LGSN: variants seen among roughly 807,000 people sequenced by gnomAD.
The protein encoded by LGSN is lengsin, lens protein with glutamine synthetase domain.
A neutral mutation model predicts 19.5 loss-of-function variants in LGSN; 21 were observed. The observed-to-expected ratio is 1.07, with a 90% confidence interval of 0.76 to 1.55. LGSN has a LOEUF of 1.55. Ranked by LOEUF, LGSN falls within the 40% of genes most tolerant of loss-of-function variation. LGSN has a pLI of 0.00. For synonymous variants in LGSN, 257 were observed against 215.6 expected, an observed-to-expected ratio of 1.19 and a Z score of -1.68; for missense variants, 673 against 608.5, an observed-to-expected ratio of 1.11 and a Z score of -1.12.
the LGSN span, among the ~76,000 whole-genome samples, chr6:63,477,038 C>T: frequency 5.9e-5 from 9 of 152,182 alleles, no homozygotes; most frequent in Admixed American, 5.2e-4. Flanking sequence ...AATAAGTTCT[C>T]TTTTTAAATT....
At chr6:63,333,878 T>A in the LGSN span, among the ~76,000 whole-genome samples, 1 of 152,188 alleles carries the variant, frequency 6.6e-6, no homozygotes, top group Non-Finnish European at 1.5e-5. Context: ...AAAAACCATA[T>A]GATCATTTAA....
the LGSN span, among the ~76,000 whole-genome samples, chr6:63,500,398 T>A: frequency 6.6e-6 from 1 of 152,196 alleles, no homozygotes; most frequent in African/African-American, 2.4e-5. Context: ...CTGAGTGACC[T>A]CTGACAGGTT....
chr6:63,384,888 T>C, the LGSN span, among the ~76,000 whole-genome samples: 1 of 152,190 alleles, frequency 6.6e-6, no homozygotes, highest in Non-Finnish European at 1.5e-5. Flanking sequence ...CCAATCTGAC[T>C]GATGTCATTT....
intron 1 of LGSN, among the ~76,000 whole-genome samples, chr6:63,304,246 C>T (rs1406300229): frequency 6.6e-6 from 1 of 152,176 alleles, no homozygotes; most frequent in Admixed American, 6.5e-5. Context: ...TTAAATAAAA[C>T]ATTGCCAAGA....
the LGSN span, among the ~76,000 whole-genome samples, chr6:63,451,882 CTA>C: frequency 6.6e-6 from 1 of 151,992 alleles, no homozygotes; most frequent in Non-Finnish European, 1.5e-5. Context: ...AATTTTTAAA[CTA>C]AATTTAAATT....
the LGSN span, among the ~76,000 whole-genome samples, chr6:63,397,789 G>T: frequency 6.6e-6 from 1 of 151,738 alleles, no homozygotes; most frequent in African/African-American, 2.4e-5. Context: ...GTGGTGGCAC[G>T]CCTGTAATTA....
At chr6:63,307,520 T>C (rs1464711276) in intron 1 of LGSN, among the ~76,000 whole-genome samples, 1 of 152,200 alleles carries the variant, frequency 6.6e-6, no homozygotes, top group Non-Finnish European at 1.5e-5. Context: ...CCCAGGGAAA[T>C]ACTAGGACAG....
chr6:63,416,492 A>C, the LGSN span, among the ~76,000 whole-genome samples: 14,386 of 152,264 alleles, frequency 0.094, 1,224 homozygotes, highest in African/African-American at 0.23. Context: ...AATATGGGTT[A>C]AAATAAACTG....
chr6:63,413,193 G>A, the LGSN span, among the ~76,000 whole-genome samples: 61 of 152,116 alleles, frequency 4.0e-4, no homozygotes, highest in South Asian at 8.3e-4. Flanking sequence ...TTATCATGGA[G>A]ATCTGTATAA....
chr6:63,342,879 C>T, the LGSN span, among the ~76,000 whole-genome samples: 1 of 152,194 alleles, frequency 6.6e-6, no homozygotes. Flanking sequence ...ATGTTTCCTG[C>T]AGTGATGTCA....
the LGSN span, among the ~76,000 whole-genome samples, chr6:63,464,941 G>T: frequency 6.7e-6 from 1 of 149,658 alleles, no homozygotes; most frequent in Non-Finnish European, 1.5e-5. Context: ...CAGGAGAATC[G>T]CTTGAACCTG....
At chr6:63,502,524 TTAATA>T in the LGSN span, among the ~76,000 whole-genome samples, 1 of 152,092 alleles carries the variant, frequency 6.6e-6, no homozygotes, top group African/African-American at 2.4e-5. Flanking sequence ...AAAAAGAAAG[TTAATA>T]TAATATATTA....
At chr6:63,549,128 G>A in the LGSN span, 1 of 686,524 alleles carries the variant, frequency 1.5e-6, no homozygotes, top group Admixed American at 2.2e-5. Flanking sequence ...TAGTGGGGAT[G>A]CCCCCTTTGC....
At chr6:63,557,133 G>A in the LGSN span, among the ~76,000 whole-genome samples, 1 of 152,252 alleles carries the variant, frequency 6.6e-6, no homozygotes, top group Non-Finnish European at 1.5e-5. Flanking sequence ...TTCAAAGGGT[G>A]TGAGAGAGAT....
chr6:63,280,521 A>T lies in LGSN; in HGVS notation c.1030T>A (p.Trp344Arg). ...GAGTGCTTCAAGAGTCCTGCCAACC[A>T]TTTTTTCCCAGTGATCGTGAGCTGC... ...TEQLTITGKKWLAGLLKHSAA... is the reference protein window; with the variant it reads ...TEQLTITGKKRLAGLLKHSAA... The change falls in exon 4 of 4, where the codon TGG (tryptophan) becomes AGG (arginine). Residue 344 changes from tryptophan (W) to arginine (R), a missense_variant. Coordinates refer to ENST00000370657, the MANE Select transcript of LGSN (RefSeq NM_016571.3). 6.2e-7 allele frequency: 1 copy of T among 1,613,988 alleles called. No homozygotes were observed. Among genetic ancestry groups the T allele is most frequent in the Non-Finnish European group, 8.5e-7 (1 of 1,180,010 alleles).
At chr6:63,295,962 ACAC>A (rs1444432473) in intron 1 of LGSN, among the ~76,000 whole-genome samples, 1 of 152,216 alleles carries the variant, frequency 6.6e-6, no homozygotes, top group Non-Finnish European at 1.5e-5. Context: ...TATGCTGTAA[ACAC>A]TTTGAGCTTA....
In LGSN at chr6:63,277,022, A is replaced by T. The variant is rs957976933; in HGVS notation, c.*2999T>A. On this transcript the variant is annotated 3_prime_UTR_variant, in exon 4 of 4. Transcript: ENST00000370657. ...AATCTTGGTGGAAACTGCCACACCA[A>T]CTTACGTTATCAACTGATTTGTAAT... 2.0e-5 allele frequency: 3 copies of T among 152,224 alleles called. No individual in the cohort carries two copies. Among genetic ancestry groups the T allele is most frequent in the Admixed American group, 6.5e-5 (1 of 15,280 alleles). The allele number at this position is 152,224 out of a possible 1,614,324, so 9.4% of individuals were successfully genotyped here.
chr6:63,500,356 G>C, the LGSN span, among the ~76,000 whole-genome samples: 1 of 152,160 alleles, frequency 6.6e-6, no homozygotes, highest in Non-Finnish European at 1.5e-5. Flanking sequence ...GTGGACAGCT[G>C]GGGTGAGAAT....
intron 1 of LGSN, among the ~76,000 whole-genome samples, chr6:63,313,138 T>G (rs1342668537): frequency 1.3e-5 from 2 of 151,926 alleles, no homozygotes; most frequent in African/African-American, 4.8e-5. Context: ...TGGTGCACAG[T>G]AAAAATAAAT....
Sources: allele counts gnomAD v4.1 joint callset (sites outside exome capture counted in the v4.1 genomes callset), GRCh38; gene constraint gnomAD v4.1.1; transcripts MANE v1.5; gene names NCBI Gene and HGNC (gene_info 2026-07-23, HGNC 2026-07-21).